ANKRD30A: variants seen among roughly 807,000 people sequenced by gnomAD.
ANKRD30A encodes the protein ankyrin repeat domain-containing protein 30A.
A neutral mutation model predicts 166.3 loss-of-function variants in ANKRD30A; 170 were observed. The ratio of observed to expected loss-of-function variants is 1.02; its 90% confidence interval spans 0.90 to 1.16. ANKRD30A has a LOEUF of 1.16. Among genes scored for constraint, ANKRD30A ranks in the 50% most tolerant of loss-of-function variants. The probability of loss-of-function intolerance (pLI) is 0.00; values close to 1 mark genes in which losing one functional copy is unlikely to be tolerated. For missense variants in ANKRD30A, 1,630 were observed against 1,518.0 expected, an observed-to-expected ratio of 1.07 and a Z score of -1.23; for synonymous variants, 564 against 508.9, an observed-to-expected ratio of 1.11 and a Z score of -1.46.
chr10:37,191,699 T>A (rs1291163676), intron 25 of ANKRD30A, among the ~76,000 whole-genome samples: 2 of 152,000 alleles, frequency 1.3e-5, no homozygotes, highest in African/African-American at 4.8e-5. Flanking sequence ...GTTTTTCATT[T>A]ATTTTAAGAT....
At chr10:37,193,348 C>G (rs1440388515) in intron 27 of ANKRD30A, 90 bp downstream of exon 27, 21 of 1,402,690 alleles carry the variant, frequency 1.5e-5, no homozygotes, top group Middle Eastern at 2.1e-4. Context: ...ATGTTGTTTT[C>G]TATTCATAAT....
intron 31 of ANKRD30A, among the ~76,000 whole-genome samples, chr10:37,214,326 A>G (rs1719649929): frequency 6.6e-6 from 1 of 151,454 alleles, no homozygotes; most frequent in African/African-American, 2.4e-5. Flanking sequence ...GGCATTACAC[A>G]GGTAGATCTT....
At chr10:37,153,135 A>G (rs1242237332) in intron 12 of ANKRD30A, among the ~76,000 whole-genome samples, 1 of 152,184 alleles carries the variant, frequency 6.6e-6, no homozygotes, top group Non-Finnish European at 1.5e-5. Context: ...CATCATTTTT[A>G]ACACTAAACA....
intron 25 of ANKRD30A, among the ~76,000 whole-genome samples, chr10:37,191,223 A>C (rs539491413): frequency 1.1e-3 from 162 of 152,046 alleles, no homozygotes; most frequent in Middle Eastern, 3.4e-3. Context: ...GAGATGAGTA[A>C]GCTAGAAATT....
intron 2 of ANKRD30A, 68 bp from the exon 3 acceptor site, chr10:37,130,130 CTATAATT>C (rs1434970626): frequency 1.0e-5 from 12 of 1,158,674 alleles, no homozygotes; most frequent in Middle Eastern, 2.9e-4. Flanking sequence ...TTTTGATTTC[CTATAATT>C]TATAATTTAT....
At chr10:37,192,787 G>A (rs1247543053) in intron 25 of ANKRD30A, among the ~76,000 whole-genome samples, 1 of 151,874 alleles carries the variant, frequency 6.6e-6, no homozygotes, top group African/African-American at 2.4e-5. Flanking sequence ...ACTGATAGTA[G>A]GATATTTCTG....
chr10:37,258,979 A>C, the ANKRD30A span, among the ~76,000 whole-genome samples: 2 of 150,626 alleles, frequency 1.3e-5, no homozygotes, highest in East Asian at 1.9e-4. Flanking sequence ...AAAAAAAAAA[A>C]AAAAAACAAG....
chr10:37,197,625 A>G (rs529933314), intron 29 of ANKRD30A, 145 bp downstream of exon 29: 2 of 1,319,464 alleles, frequency 1.5e-6, no homozygotes, highest in African/African-American at 3.0e-5. Flanking sequence ...TGATGTTTGA[A>G]AAGCTGGTAT....
At chr10:37,248,083 G>C in the ANKRD30A span, 15 of 487,710 alleles carry the variant, frequency 3.1e-5, no homozygotes, top group African/African-American at 3.0e-4. Context: ...TGAATTGGAA[G>C]GGCCACTCTT....
intron 5 of ANKRD30A, among the ~76,000 whole-genome samples, chr10:37,134,803 C>T (rs1467972031): frequency 6.6e-6 from 1 of 152,138 alleles, no homozygotes; most frequent in Admixed American, 6.5e-5. Context: ...TGACTTTTTT[C>T]TATTTTCTCT....
intron 30 of ANKRD30A, among the ~76,000 whole-genome samples, chr10:37,200,197 A>T (rs1841506545): frequency 6.6e-6 from 1 of 152,104 alleles, no homozygotes; most frequent in Admixed American, 6.6e-5. Flanking sequence ...GTATTGTAAA[A>T]GTTGGGACCT....
intron 1 of ANKRD30A, among the ~76,000 whole-genome samples, chr10:37,128,298 A>G (rs1340593514): frequency 1.3e-5 from 2 of 152,062 alleles, no homozygotes; most frequent in African/African-American, 4.8e-5. Context: ...TTTATTGTTA[A>G]TAAAATAATT....
the ANKRD30A span, among the ~76,000 whole-genome samples, chr10:37,260,996 C>T: frequency 3.2e-5 from 3 of 95,020 alleles, no homozygotes. Context: ...TAACATTCCA[C>T]AATATCTTTT....
intron 1 of ANKRD30A, among the ~76,000 whole-genome samples, chr10:37,126,574 G>C (rs2132498251): frequency 6.6e-6 from 1 of 152,260 alleles, no homozygotes; most frequent in South Asian, 2.1e-4. Flanking sequence ...AATTTAAGAA[G>C]ACTCATTTTT....
chr10:37,194,144 G>A (rs779403035), intron 27 of ANKRD30A, among the ~76,000 whole-genome samples: 1 of 151,916 alleles, frequency 6.6e-6, no homozygotes, highest in Non-Finnish European at 1.5e-5. Flanking sequence ...TGCATGAGCC[G>A]AGCTTGTGCC....
intron 11 of ANKRD30A, among the ~76,000 whole-genome samples, chr10:37,150,549 G>A (rs557955067): frequency 1.5e-3 from 224 of 152,064 alleles, no homozygotes; most frequent in African/African-American, 5.1e-3. Flanking sequence ...ACATGTGTGC[G>A]TGGTCATATT....
the ANKRD30A span, among the ~76,000 whole-genome samples, chr10:37,249,220 G>T: frequency 6.6e-6 from 1 of 152,086 alleles, no homozygotes; most frequent in African/African-American, 2.4e-5. Flanking sequence ...TCAAGGCTGG[G>T]AACAAAGAGA....
chr10:37,246,209 G>A, the ANKRD30A span, among the ~76,000 whole-genome samples: 1 of 152,184 alleles, frequency 6.6e-6, no homozygotes, highest in African/African-American at 2.4e-5. Flanking sequence ...GTTTCATTGT[G>A]AATCAAAGTT....
chr10:37,210,248 T>A (rs866599384), intron 31 of ANKRD30A, among the ~76,000 whole-genome samples: 34 of 152,320 alleles, frequency 2.2e-4, no homozygotes, highest in African/African-American at 6.3e-4. Flanking sequence ...TTGCTGAGAA[T>A]GATGGTTTCC....
Sources: allele counts gnomAD v4.1 joint callset (sites outside exome capture counted in the v4.1 genomes callset), GRCh38; gene constraint gnomAD v4.1.1; transcripts MANE v1.5; gene names NCBI Gene and HGNC (gene_info 2026-07-23, HGNC 2026-07-21).